Variants in PDZRN4 observed in about 807,000 individuals in gnomAD.
The protein encoded by PDZRN4 is PDZ domain-containing RING finger protein 4.
A neutral mutation model predicts 99.0 loss-of-function variants in PDZRN4; 70 were observed. The ratio of observed to expected loss-of-function variants is 0.71; its 90% CI spans 0.58 to 0.86. PDZRN4 has a LOEUF of 0.86. Ranked by LOEUF, PDZRN4 falls within the 40% of genes least tolerant of loss-of-function variation. The pLI is 0.00. For synonymous variants in PDZRN4, 551 were observed against 501.6 expected (o/e 1.10, Z -1.32); for missense variants, 1,474 against 1,331.2 (o/e 1.11, Z -1.67).
chr12:41,378,482 C>T (rs1414719224), intron 3 of PDZRN4, among the ~76,000 whole-genome samples: 2 of 146,262 alleles, frequency 1.4e-5, no homozygotes, highest in African/African-American at 2.5e-5. Context: ...TAATAATGGG[C>T]TCATAAAATG....
intron 3 of PDZRN4, among the ~76,000 whole-genome samples, chr12:41,385,048 A>G (rs1952158511): frequency 6.6e-6 from 1 of 152,352 alleles, no homozygotes; most frequent in South Asian, 2.1e-4. Flanking sequence ...CTTGATGCCA[A>G]CTATGATTTA....
chr12:41,202,513 T>A (rs1950823819), intron 3 of PDZRN4, among the ~76,000 whole-genome samples: 1 of 152,082 alleles, frequency 6.6e-6, no homozygotes, highest in Non-Finnish European at 1.5e-5. Context: ...TGCCTGATCC[T>A]CTTAAGCCTA....
chr12:41,391,726 T>C (rs1592040670), intron 3 of PDZRN4, among the ~76,000 whole-genome samples: 1 of 152,190 alleles, frequency 6.6e-6, no homozygotes, highest in African/African-American at 2.4e-5. Flanking sequence ...ACTGTAAATT[T>C]CTTTTTTCCT....
chr12:41,447,975 C>T (rs1186302878), intron 3 of PDZRN4, among the ~76,000 whole-genome samples: 1 of 152,024 alleles, frequency 6.6e-6, no homozygotes, highest in Non-Finnish European at 1.5e-5. Context: ...AAATTGTTTT[C>T]CCTTGAAAGG....
intron 3 of PDZRN4, among the ~76,000 whole-genome samples, chr12:41,213,511 T>A (rs1950900948): frequency 6.6e-6 from 1 of 152,100 alleles, no homozygotes; most frequent in South Asian, 2.1e-4. Context: ...TGTACAGCCA[T>A]TTGTTCTTAG....
At chr12:41,341,112 C>A (rs1171246505) in intron 3 of PDZRN4, among the ~76,000 whole-genome samples, 1 of 151,370 alleles carries the variant, frequency 6.6e-6, no homozygotes, top group Non-Finnish European at 1.5e-5. Context: ...AAAACGTGAT[C>A]ATTTCAATAG....
intron 6 of PDZRN4, among the ~76,000 whole-genome samples, chr12:41,554,323 CTATT>C (rs1939107976): frequency 2.0e-5 from 3 of 152,250 alleles, no homozygotes; most frequent in Admixed American, 2.0e-4. Context: ...TAGTAAGTCT[CTATT>C]TACTATTTAA....
intron 3 of PDZRN4, among the ~76,000 whole-genome samples, chr12:41,237,843 C>T (rs950182992): frequency 2.0e-5 from 3 of 152,146 alleles, no homozygotes; most frequent in African/African-American, 7.2e-5. Context: ...GTTTTTGTAG[C>T]AGTACCGTGC....
intron 3 of PDZRN4, among the ~76,000 whole-genome samples, chr12:41,482,890 A>ATTCCT (rs1189545758): frequency 6.6e-6 from 1 of 152,118 alleles, no homozygotes; most frequent in East Asian, 1.9e-4. Flanking sequence ...GAAGCAGGGC[A>ATTCCT]TCCATCAGAG....
At chr12:41,527,972 C>T (rs1240873577) in intron 5 of PDZRN4, among the ~76,000 whole-genome samples, 1 of 152,204 alleles carries the variant, frequency 6.6e-6, no homozygotes, top group African/African-American at 2.4e-5. Context: ...GATAAAGAGG[C>T]TACTTTCATT....
chr12:41,308,468 G>A (rs1291199890), intron 3 of PDZRN4, among the ~76,000 whole-genome samples: 1 of 151,978 alleles, frequency 6.6e-6, no homozygotes, highest in African/African-American at 2.4e-5. Flanking sequence ...TTCTTTGTTT[G>A]AAAAAAGTGA....
At chr12:41,474,066 A>G (rs12313532) in intron 3 of PDZRN4, among the ~76,000 whole-genome samples, 15,675 of 152,226 alleles carry the variant, frequency 0.1, 813 homozygotes, top group Middle Eastern at 0.13. Flanking sequence ...TGGCCTGTGA[A>G]GAGGATAAGA....
intron 3 of PDZRN4, among the ~76,000 whole-genome samples, chr12:41,286,582 C>G (rs946297646): frequency 6.6e-6 from 1 of 152,150 alleles, no homozygotes; most frequent in Non-Finnish European, 1.5e-5. Flanking sequence ...CAGGCAAGCT[C>G]TGTTTAAATA....
chr12:41,307,942 A>G (rs1424132726), intron 3 of PDZRN4, among the ~76,000 whole-genome samples: 1 of 152,142 alleles, frequency 6.6e-6, no homozygotes. Flanking sequence ...AACTTTATAT[A>G]TGGAAGAAAA....
At chr12:41,251,838 A>G (rs1166769405) in intron 3 of PDZRN4, among the ~76,000 whole-genome samples, 1 of 152,158 alleles carries the variant, frequency 6.6e-6, no homozygotes, top group Non-Finnish European at 1.5e-5. Flanking sequence ...AAATAAGGCG[A>G]GGCATGGTGG....
intron 3 of PDZRN4, among the ~76,000 whole-genome samples, chr12:41,235,454 CACA>C (rs1951059962): frequency 6.6e-6 from 1 of 152,094 alleles, no homozygotes; most frequent in Non-Finnish European, 1.5e-5. Flanking sequence ...ACCAGGGCCA[CACA>C]TTCGAAAAAC....
chr12:41,500,162 T>C (rs962611241), intron 3 of PDZRN4, among the ~76,000 whole-genome samples: 1 of 151,918 alleles, frequency 6.6e-6, no homozygotes, highest in Admixed American at 6.6e-5. Context: ...CTCTCTCTTA[T>C]AGGGAACATT....
chr12:41,218,027 T>C (rs1591972403), intron 3 of PDZRN4, among the ~76,000 whole-genome samples: 1 of 152,228 alleles, frequency 6.6e-6, no homozygotes, highest in East Asian at 1.9e-4. Context: ...TTCACTGAAC[T>C]GAAACTTTTG....
At chr12:41,271,674 G>A (rs1367607) in intron 3 of PDZRN4, among the ~76,000 whole-genome samples, 53 of 152,020 alleles carry the variant, frequency 3.5e-4, no homozygotes, top group Non-Finnish European at 5.9e-4. Flanking sequence ...GCCTGGACCC[G>A]GATTCTGCAC....
Sources: gnomAD v4.1 joint callset for allele counts (sites outside exome capture counted in the v4.1 genomes callset) on GRCh38, gnomAD v4.1.1 for gene constraint, MANE v1.5 for transcripts, NCBI Gene and HGNC (gene_info 2026-07-23, HGNC 2026-07-21) for gene names.